The following JAZF1 variants were observed in gnomAD, a reference collection of about 807,000 sequenced individuals.
The protein encoded by JAZF1 is JAZF zinc finger 1, also known as juxtaposed with another zinc finger protein 1.
In JAZF1, 8 loss-of-function variants were observed where a neutral mutation model predicts 26.4. The observed-to-expected ratio is 0.30, with a 90% CI of 0.18 to 0.55. The LOEUF (loss-of-function observed/expected upper bound fraction) is 0.55, where lower values mean the gene tolerates loss of function less well. JAZF1 is among the 20% of genes least tolerant of loss of function. The pLI is 0.94. For missense variants in JAZF1, 199 were observed against 322.0 expected (o/e 0.62, Z 2.92); for synonymous variants, 126 against 122.3 (o/e 1.03, Z -0.20).
Position 28,174,220 on chromosome 7 carries a change from G to C in JAZF1, c.115+6243C>G, listed in dbSNP as rs186434015. On this transcript the variant is annotated intron_variant, in intron 1 of 4. Coordinates refer to ENST00000283928, the MANE Select transcript of JAZF1 (RefSeq NM_175061.4). The stretch of plus-strand genomic sequence containing the variant: ...GATCTGAAGGCGGGGGTAAGAATGG[G>C]GTAGAGAAATATAAGGGAATGTGGG... Among the ~76,000 whole-genome samples, 256 of 152,282 alleles carry C rather than the reference G, an allele frequency of 1.7e-3. 1 individual carries two copies. The highest frequency in any genetic ancestry group is 5.8e-3 in the African/African-American group (239 of 41,554).
intron 1 of JAZF1, among the ~76,000 whole-genome samples, chr7:28,061,011 C>T (rs1562574115): frequency 6.6e-6 from 1 of 152,226 alleles, no homozygotes; most frequent in Non-Finnish European, 1.5e-5. Context: ...AAACTAGTGC[C>T]TGGGTTCAAA....
chr7:28,132,124 A>G (rs1213758279), intron 1 of JAZF1, among the ~76,000 whole-genome samples: 2 of 152,206 alleles, frequency 1.3e-5, no homozygotes, highest in East Asian at 3.8e-4. Flanking sequence ...ATGACATGGA[A>G]TGCAATAAGT....
At chr7:28,150,990 A>G (rs1245391386) in intron 1 of JAZF1, among the ~76,000 whole-genome samples, 1 of 152,240 alleles carries the variant, frequency 6.6e-6, no homozygotes, top group East Asian at 1.9e-4. Flanking sequence ...GGCAAATGGA[A>G]AAGCACAATA....
intron 2 of JAZF1, among the ~76,000 whole-genome samples, chr7:27,912,100 C>T (rs530154348): frequency 7.0e-6 from 1 of 143,166 alleles, no homozygotes; most frequent in Admixed American, 6.8e-5. Context: ...ATAAGCATCA[C>T]GTGGCTTTTA....
chr7:28,136,145 G>T (rs1782882244), intron 1 of JAZF1, among the ~76,000 whole-genome samples: 1 of 152,174 alleles, frequency 6.6e-6, no homozygotes. Flanking sequence ...AGTAATTACT[G>T]AATGCTCACT....
intron 1 of JAZF1, among the ~76,000 whole-genome samples, chr7:28,097,676 A>C (rs754823773): frequency 2.0e-5 from 3 of 152,214 alleles, no homozygotes; most frequent in Non-Finnish European, 2.9e-5. Context: ...ATCAGTCAGC[A>C]AGTCCTTTGG....
chr7:27,963,498 A>C (rs1785217916), intron 2 of JAZF1, among the ~76,000 whole-genome samples: 1 of 151,494 alleles, frequency 6.6e-6, no homozygotes, highest in African/African-American at 2.4e-5. Context: ...CATTGTTGTG[A>C]TGTGTCACAA....
intron 1 of JAZF1, among the ~76,000 whole-genome samples, chr7:28,015,863 ACTGCTGTGATGGAGATG>A (rs1247435768): frequency 6.6e-6 from 1 of 152,120 alleles, no homozygotes; most frequent in African/African-American, 2.4e-5. Context: ...CTGAAAAATA[ACTGCTGTGATGGAGATG>A]CTCTAGGTCC....
At chr7:27,894,518 T>C (rs1336217319) in intron 3 of JAZF1, among the ~76,000 whole-genome samples, 1 of 152,198 alleles carries the variant, frequency 6.6e-6, no homozygotes, top group Non-Finnish European at 1.5e-5. Flanking sequence ...GAAGCCTCTT[T>C]AAGGCGAGGA....
intron 3 of JAZF1, among the ~76,000 whole-genome samples, chr7:27,886,944 T>C (rs960046284): frequency 5.3e-5 from 8 of 152,170 alleles, no homozygotes; most frequent in Admixed American, 3.9e-4. Flanking sequence ...GATCATGTAC[T>C]TTGCAGGGAC....
intron 1 of JAZF1, among the ~76,000 whole-genome samples, chr7:28,044,031 G>A (rs1225944866): frequency 6.6e-6 from 1 of 152,098 alleles, no homozygotes; most frequent in Non-Finnish European, 1.5e-5. Flanking sequence ...TTCTTTTGGG[G>A]TGATGAAAAT....
intron 1 of JAZF1, among the ~76,000 whole-genome samples, chr7:28,179,612 G>C (rs928825951): frequency 6.6e-6 from 1 of 150,842 alleles, no homozygotes; most frequent in Non-Finnish European, 1.5e-5. Context: ...AGGGCGCGTC[G>C]ACCCCGGGGC....
intron 2 of JAZF1, among the ~76,000 whole-genome samples, chr7:27,916,975 A>G (rs1292462565): frequency 2.0e-5 from 3 of 152,222 alleles, no homozygotes; most frequent in Admixed American, 1.3e-4. Context: ...ACAATGGCTC[A>G]TGCCTGAAAT....
At chr7:28,002,226 C>T (rs1583502698) in intron 1 of JAZF1, among the ~76,000 whole-genome samples, 1 of 152,306 alleles carries the variant, frequency 6.6e-6, no homozygotes, top group South Asian at 2.1e-4. Flanking sequence ...ACCTACTAGG[C>T]CCAGTGGAAT....
chr7:28,051,070 T>A (rs1783604804), intron 1 of JAZF1, among the ~76,000 whole-genome samples: 1 of 146,458 alleles, frequency 6.8e-6, no homozygotes, highest in African/African-American at 2.5e-5. Context: ...AGGTGGAGGT[T>A]GCAGTCAGCC....
In JAZF1 at chr7:27,964,063, A is replaced by G. The variant is rs1438536531; in HGVS notation, c.188+27846T>C. On this transcript the variant is annotated intron_variant, in intron 2 of 4. Coordinates refer to ENST00000283928, the MANE Select transcript of JAZF1 (RefSeq NM_175061.4). ...GCTTCCATTATACCCTCTTCCTCCA[A>G]CATGTTTTGGGATTTAGTAAAAAGA... is the stretch of plus-strand genomic sequence containing the variant. Among the ~76,000 whole-genome samples the G allele has an allele frequency of 2.6e-5, 4 of 152,288 alleles. No homozygotes were observed. The South Asian group carries it at 8.3e-4, about 32-fold the overall frequency.
At chr7:27,983,549 T>A (rs1204461631) in intron 2 of JAZF1, among the ~76,000 whole-genome samples, 1 of 151,934 alleles carries the variant, frequency 6.6e-6, no homozygotes, top group East Asian at 1.9e-4. Context: ...CAGGAGAACT[T>A]CCCCAAACTA....
chr7:28,014,038 T>A (rs1383199039), intron 1 of JAZF1, among the ~76,000 whole-genome samples: 1 of 144,872 alleles, frequency 6.9e-6, no homozygotes, highest in Non-Finnish European at 1.5e-5. Flanking sequence ...TTAAATCAAC[T>A]GAGGCAGTGG....
chr7:28,110,479 A>G (rs1784627693), intron 1 of JAZF1, among the ~76,000 whole-genome samples: 1 of 80,070 alleles, frequency 1.2e-5, no homozygotes, highest in East Asian at 8.7e-4. Flanking sequence ...AAAGGAAAGG[A>G]AAGGAAAGGA....
Sources: gnomAD v4.1 joint callset for allele counts (sites outside exome capture counted in the v4.1 genomes callset) on GRCh38, gnomAD v4.1.1 for gene constraint, MANE v1.5 for transcripts, NCBI Gene and HGNC (gene_info 2026-07-23, HGNC 2026-07-21) for gene names.